Variants in TVP23C observed in about 807,000 individuals in gnomAD.
TVP23C encodes trans-golgi network vesicle protein 23 homolog C.
Under a neutral mutation model 28.7 loss-of-function variants are expected in TVP23C, and 19 were observed. The observed-to-expected ratio is 0.66, with a 90% CI of 0.46 to 0.97. The LOEUF is 0.97. Ranked by LOEUF, TVP23C falls within the 50% of genes least tolerant of loss-of-function variation. The pLI is 0.00. For synonymous variants in TVP23C, 68 were observed against 81.7 expected (o/e 0.83, Z 0.90); for missense variants, 186 against 241.3 (o/e 0.77, Z 1.52).
chr17:15,532,650 T>C (rs1380622626), downstream of TVP23C, among the ~76,000 whole-genome samples: 1 of 152,210 alleles, frequency 6.6e-6, no homozygotes, highest in Non-Finnish European at 1.5e-5. Flanking sequence ...AAAAGTTTAT[T>C]TTGATCATTC....
chr17:15,551,317 A>AGGATGGTCTCG (rs1983878998), intron 3 of TVP23C, among the ~76,000 whole-genome samples: 1 of 144,888 alleles, frequency 6.9e-6, no homozygotes, highest in Non-Finnish European at 1.5e-5. Flanking sequence ...CATGTTAGCC[A>AGGATGGTCTCG]GGATGGTCTC....
chr17:15,540,361 T>C lies in TVP23C; in HGVS notation c.*51A>G, dbSNP rs1165194320. On this transcript the variant is annotated 3_prime_UTR_variant, in exon 6 of 6. Coordinates refer to ENST00000518321, the MANE Select transcript of TVP23C (RefSeq NM_001135036.2). ...CCTTTAAAACTTCTGTTCAGGAGCG[T>C]TTCATAAAAATTAAACTATGAAAGT... is the stretch of plus-strand genomic sequence containing the variant. 7.9e-5 allele frequency: 118 copies of C among 1,499,746 alleles called. No homozygotes were observed. In the East Asian group the frequency reaches 2.1e-3, roughly 26 times the overall value. The allele number at this position is 1,499,746 out of a possible 1,614,324, so 92.9% of individuals were successfully genotyped here.
chr17:15,560,955 T>C (rs1269356821), intron 1 of TVP23C, among the ~76,000 whole-genome samples: 1 of 151,448 alleles, frequency 6.6e-6, no homozygotes, highest in Non-Finnish European at 1.5e-5. Flanking sequence ...AGAAAGAGAA[T>C]TACTAGAACA....
In TVP23C at chr17:15,543,393, G is replaced by A. The variant is rs1212233861; in HGVS notation, c.462+2392C>T. 8.0e-5 allele frequency among the ~76,000 whole-genome samples: 12 copies of A among 150,498 alleles called. 1 individual carries two copies. Among genetic ancestry groups the A allele is most frequent in the African/African-American group, 2.7e-4 (11 of 40,740 alleles). ...AAGTGCATTTATGCAAAACTATAGC[G>A]AAAAAAGAAAAAAGAAGCATAGTAT... On this transcript the variant is annotated intron_variant, in intron 5 of 5. Transcript: ENST00000518321.
chr17:15,516,242 G>A (rs1982220328), intron 5 of TVP23C, among the ~76,000 whole-genome samples: 1 of 152,246 alleles, frequency 6.6e-6, no homozygotes, highest in African/African-American at 2.4e-5. Flanking sequence ...GCACAGCCAG[G>A]AGGCGACAGC....
intron 5 of TVP23C, among the ~76,000 whole-genome samples, chr17:15,529,409 G>A (rs2011319): frequency 1.3e-5 from 2 of 151,958 alleles, no homozygotes; most frequent in Non-Finnish European, 2.9e-5. Flanking sequence ...CCGAGTCAGC[G>A]CCACTGCACT....
intron 5 of TVP23C, among the ~76,000 whole-genome samples, chr17:15,527,670 C>T (rs1240624609): frequency 6.6e-6 from 1 of 152,148 alleles, no homozygotes; most frequent in South Asian, 2.1e-4. Flanking sequence ...CAGCCTGCTG[C>T]TTCATCTGTA....
chr17:15,560,558 G>GT (rs905601881), intron 1 of TVP23C, among the ~76,000 whole-genome samples: 4 of 148,708 alleles, frequency 2.7e-5, no homozygotes, highest in East Asian at 2.0e-4. Flanking sequence ...TGTCAAGTTT[G>GT]TTTTTTTTGT....
rs181574200 is a variant in TVP23C, at chr17:15,543,882, A to G, written c.462+1903T>C. On this transcript the variant is annotated intron_variant, in intron 5 of 5. Coordinates refer to ENST00000518321, the MANE Select transcript of TVP23C (RefSeq NM_001135036.2). ...TAGTAGATGAAAACAAATAAAAATG[A>G]TCCAACATAAACGTAACTGGTACTT... Among the ~76,000 whole-genome samples the G allele has an allele frequency of 3.0e-3, 451 of 152,094 alleles. 3 individuals carry two copies. The highest frequency in any genetic ancestry group is 5.0e-3 in the Non-Finnish European group (338 of 67,994).
downstream of TVP23C, among the ~76,000 whole-genome samples, chr17:15,536,537 G>A (rs1331246554): frequency 2.0e-5 from 3 of 152,126 alleles, no homozygotes; most frequent in East Asian, 5.8e-4. Flanking sequence ...GGAGAAAAAC[G>A]AATATTAGGG....
intron 5 of TVP23C, among the ~76,000 whole-genome samples, chr17:15,525,946 G>A (rs1424984986): frequency 1.3e-5 from 2 of 152,268 alleles, no homozygotes; most frequent in East Asian, 3.9e-4. Context: ...CACGGTCATT[G>A]CAAAGAGTCA....
intron 5 of TVP23C, among the ~76,000 whole-genome samples, chr17:15,514,937 G>A (rs750958176): frequency 6.6e-6 from 1 of 152,174 alleles, no homozygotes; most frequent in Non-Finnish European, 1.5e-5. Flanking sequence ...GTGCCACCCA[G>A]ATCCCCGCGG....
Position 15,539,545 on chromosome 17 carries a change from G to A in TVP23C, c.*867C>T. The A allele has an allele frequency of 1.3e-6, 1 of 759,368 alleles. No homozygotes were observed. The highest frequency in any genetic ancestry group is 1.9e-5 in the African/African-American group (1 of 52,310). 47.0% of individuals were successfully genotyped at this position (759,368 alleles called of 1,614,324 possible). ...GTGAACCCGGGAGGCGGAGCTTGCA[G>A]TAAGCCGAGATCACGCCACTGCACT... On this transcript the variant is annotated 3_prime_UTR_variant, in exon 6 of 6. Coordinates refer to ENST00000518321, the MANE Select transcript of TVP23C (RefSeq NM_001135036.2).
In TVP23C at chr17:15,546,492, G is replaced by A. The variant is rs58792034; in HGVS notation, c.330+567C>T. Among the ~76,000 whole-genome samples, 251 of 151,752 alleles carry A rather than the reference G, an allele frequency of 1.7e-3. 5 individuals carry two copies. The East Asian group carries it at 0.042, about 25-fold the overall frequency. On this transcript the variant is annotated intron_variant, in intron 4 of 5. Coordinates refer to ENST00000518321, the MANE Select transcript of TVP23C (RefSeq NM_001135036.2). ...TTGTCAATACCCTTGGTGTACTGTC[G>A]CCAAGAATTTGGTCCTCTGCTTCCA...
intron 5 of TVP23C, among the ~76,000 whole-genome samples, chr17:15,526,398 T>C (rs1982729643): frequency 6.6e-6 from 1 of 152,228 alleles, no homozygotes; most frequent in Admixed American, 6.5e-5. Flanking sequence ...AATCCTCAGT[T>C]TCCTCACTTG....
rs1231446179 is a variant in TVP23C at position 15,538,920 on chromosome 17, C to T, written c.*1492G>A. The T allele has an allele frequency of 1.0e-6, 1 of 985,718 alleles. No homozygotes were observed. Among genetic ancestry groups the T allele is most frequent in the East Asian group, 1.1e-4 (1 of 8,826 alleles). 61.1% of individuals were successfully genotyped at this position (985,718 alleles called of 1,614,324 possible). ...ATGATCATGTCCCTACATGAATATT[C>T]ATTTTCTCTACTTTTCATCTTCTGT... On this transcript the variant is annotated 3_prime_UTR_variant, in exon 6 of 6. Transcript: ENST00000518321.
At chr17:15,558,765 T>C (rs1484542728) in intron 1 of TVP23C, among the ~76,000 whole-genome samples, 5 of 149,060 alleles carry the variant, frequency 3.4e-5, no homozygotes, top group Non-Finnish European at 7.5e-5. Flanking sequence ...AGCCTCATTC[T>C]GGACTTCTGA....
rs1435856889 is a variant in TVP23C, at chr17:15,537,717, C to T, written c.*2695G>A. The T allele has an allele frequency of 1.0e-5, 10 of 991,536 alleles. No individual in the cohort carries two copies. Among genetic ancestry groups the T allele is most frequent in the Middle Eastern group, 5.1e-4 (1 of 1,968 alleles). 61.4% of individuals were successfully genotyped at this position (991,536 alleles called of 1,614,324 possible). A position where few individuals can be genotyped will look rare whatever the true frequency, so the allele number is the denominator to read the frequency against. The stretch of plus-strand genomic sequence containing the variant: ...AAAACTTTCTCCTGAAAACAATCTA[C>T]AGAAATAATATGTAAACATATAGAG... On this transcript the variant is annotated 3_prime_UTR_variant, in exon 6 of 6. Transcript: ENST00000518321.
intron 5 of TVP23C, among the ~76,000 whole-genome samples, chr17:15,519,059 C>T (rs1052188358): frequency 3.9e-5 from 6 of 152,140 alleles, no homozygotes; most frequent in Non-Finnish European, 7.3e-5. Flanking sequence ...CCTTCACCTA[C>T]CACCATGACT....
Sources: allele counts gnomAD v4.1 joint callset (sites outside exome capture counted in the v4.1 genomes callset), GRCh38; gene constraint gnomAD v4.1.1; transcripts MANE v1.5; gene names NCBI Gene and HGNC (gene_info 2026-07-23, HGNC 2026-07-21).